SLC39A14: variants seen among roughly 807,000 people sequenced by gnomAD.
The protein encoded by SLC39A14 is solute carrier family 39 member 14.
In SLC39A14, 19 loss-of-function variants were observed where a neutral mutation model predicts 45.5. That is an observed-to-expected ratio of 0.42 (90% CI 0.29 to 0.61). The LOEUF (loss-of-function observed/expected upper bound fraction) is 0.61. Ranked by LOEUF, SLC39A14 falls within the 20% of genes least tolerant of loss-of-function variation. The pLI is 0.22. For synonymous variants in SLC39A14, 264 were observed against 251.3 expected (o/e 1.05, Z -0.48); for missense variants, 447 against 616.5 (o/e 0.73, Z 2.91).
chr8:22,388,807 G>A (rs1440760196), intron 1 of SLC39A14, among the ~76,000 whole-genome samples: 3 of 152,192 alleles, frequency 2.0e-5, no homozygotes, highest in Admixed American at 2.0e-4. Context: ...GACAGCCCGA[G>A]GGAGAATGGA....
In SLC39A14 at chr8:22,415,903, C is replaced by A; in HGVS notation, c.885C>A (p.Asp295Glu). The stretch of plus-strand genomic sequence containing the variant: ...CTCAGCACTGCAGCAGTGAGCTGGA[C>A]GGCAAGGCGCCCATGGTGGACGAGA... ...MIPQHCSSELDGKAPMVDEKV... is the reference protein window; with the variant it reads ...MIPQHCSSELEGKAPMVDEKV... Residue 295 changes from aspartate (D) to glutamate (E), a missense_variant, in exon 6 of 9, where the codon GAC becomes GAA. Asp to Glu is a conservative substitution (Grantham distance 45). Around this residue, in one of 2 missense-constraint regions of SLC39A14, gnomAD observed 342 missense variants for 428.1 expected, o/e 0.80. Coordinates refer to ENST00000381237, the MANE Select transcript of SLC39A14 (RefSeq NM_001128431.4). 4 of 1,610,710 alleles carry A rather than the reference C, an allele frequency of 2.5e-6. No individual in the cohort carries two copies. Among genetic ancestry groups the A allele is most frequent in the Non-Finnish European group, 3.4e-6 (4 of 1,178,500 alleles).
At chr8:22,404,333 A>G (rs1205239542) in intron 1 of SLC39A14, among the ~76,000 whole-genome samples, 2 of 151,660 alleles carry the variant, frequency 1.3e-5, no homozygotes, top group South Asian at 4.2e-4. Flanking sequence ...GGCCTGAGGC[A>G]GGAGAATCAC....
At position 22,420,157 on chromosome 8, in the gene SLC39A14, A is replaced by G; in HGVS notation, c.*459A>G. ...GGCACCTTGGACCTCCAGCTGGCCAATAGAAGAGACAGGAGACAGGAAGCC... is the reference window on the plus strand; with the variant it reads ...GGCACCTTGGACCTCCAGCTGGCCAGTAGAAGAGACAGGAGACAGGAAGCC... On this transcript the variant is annotated 3_prime_UTR_variant, in exon 9 of 9. Coordinates refer to ENST00000381237, the MANE Select transcript of SLC39A14 (RefSeq NM_001128431.4). 1 of 986,468 alleles carries G rather than the reference A, an allele frequency of 1.0e-6. No individual in the cohort carries two copies. Among genetic ancestry groups the G allele is most frequent in the Non-Finnish European group, 1.2e-6 (1 of 830,742 alleles). 61.1% of individuals were successfully genotyped at this position (986,468 alleles called of 1,614,324 possible).
chr8:22,391,295 C>T (rs1834058711), intron 1 of SLC39A14, among the ~76,000 whole-genome samples: 1 of 152,156 alleles, frequency 6.6e-6, no homozygotes, highest in Non-Finnish European at 1.5e-5. Flanking sequence ...TCCTTTGCAT[C>T]CCCAATACCT....
At chr8:22,372,261 A>G (rs895795263) in intron 1 of SLC39A14, among the ~76,000 whole-genome samples, 3 of 152,136 alleles carry the variant, frequency 2.0e-5, no homozygotes, top group Non-Finnish European at 2.9e-5. Flanking sequence ...CATAGTTGAA[A>G]AATCAAGACG....
intron 1 of SLC39A14, among the ~76,000 whole-genome samples, chr8:22,403,343 G>C (rs1003461670): frequency 6.6e-6 from 1 of 151,092 alleles, no homozygotes; most frequent in Non-Finnish European, 1.5e-5. Context: ...GCAATGGCGC[G>C]ATCTTGGCTC....
At chr8:22,426,501 T>C (rs1836390315), downstream of SLC39A14, among the ~76,000 whole-genome samples, 1 of 152,182 alleles carries the variant, frequency 6.6e-6, no homozygotes, top group Admixed American at 6.5e-5. Context: ...ACTCTCTAGA[T>C]GTTTTTCTAC....
rs577425931 is a variant in SLC39A14, at chr8:22,399,511, G to A, written c.-15-5185G>A. Among the ~76,000 whole-genome samples the A allele has an allele frequency of 3.9e-5, 6 of 152,314 alleles. No individual in the cohort carries two copies. In the East Asian group the frequency reaches 9.7e-4, roughly 25 times the overall value. The stretch of plus-strand genomic sequence containing the variant: ...CTGGCCAGGCAGGGGGGCTGTGCTC[G>A]CTGAATCTGCACACCCCATGGAGAC... On this transcript the variant is annotated intron_variant, in intron 1 of 8. Coordinates refer to ENST00000381237, the MANE Select transcript of SLC39A14 (RefSeq NM_001128431.4).
chr8:22,397,247 C>A lies in SLC39A14; in HGVS notation c.-15-7449C>A, dbSNP rs191198604. Among the ~76,000 whole-genome samples, 28 of 152,296 alleles carry A rather than the reference C, an allele frequency of 1.8e-4. 1 individual carries two copies. The East Asian group carries it at 4.4e-3, about 24-fold the overall frequency. On this transcript the variant is annotated intron_variant, in intron 1 of 8. Transcript: ENST00000381237. ...TTCCCAGGCCACTAGCACCCGCAGT[C>A]CTCAAGAGAAGTAGCCCTTGATTTT...
intron 3 of SLC39A14, among the ~76,000 whole-genome samples, chr8:22,411,602 C>T (rs1320547069): frequency 1.3e-5 from 2 of 152,152 alleles, no homozygotes; most frequent in African/African-American, 4.8e-5. Flanking sequence ...GCTTGCATGT[C>T]CTATAAAGAG....
rs964205301 is a variant in SLC39A14 at position 22,421,639 on chromosome 8, A to C, written c.*1941A>C. On this transcript the variant is annotated 3_prime_UTR_variant, in exon 9 of 9. Transcript: ENST00000381237. ...TCTCAAGCTGCTTTCAGGAGCTAGC[A>C]GAAAATAACTCAAAGTTGAAGACTC... The C allele has an allele frequency of 6.1e-6, 6 of 985,740 alleles. No homozygotes were observed. The African/African-American group carries it at 1.0e-4, about 17-fold the overall frequency. The allele number at this position is 985,740 out of a possible 1,614,324, so 61.1% of individuals were successfully genotyped here.
chr8:22,428,052 G>A (rs1011240420), intron 8 of SLC39A14, among the ~76,000 whole-genome samples: 3 of 152,016 alleles, frequency 2.0e-5, no homozygotes, highest in African/African-American at 7.2e-5. Context: ...TAATCCTAAC[G>A]CTCTGGGAGG....
intron 5 of SLC39A14, 22 bp from the exon 6 acceptor site, chr8:22,415,747 T>C: frequency 6.2e-7 from 1 of 1,602,514 alleles, no homozygotes; most frequent in Non-Finnish European, 8.5e-7. Context: ...GTCATGCTGA[T>C]CCCTCCCTGT....
At chr8:22,388,137 C>A (rs1199784435) in intron 1 of SLC39A14, among the ~76,000 whole-genome samples, 1 of 152,218 alleles carries the variant, frequency 6.6e-6, no homozygotes, top group Admixed American at 6.5e-5. Flanking sequence ...AATATAAGCC[C>A]TGTCCTTCTA....
rs1400369558 is a variant in SLC39A14 at position 22,367,465 on chromosome 8, C to T, written c.-16+57C>T. On this transcript the variant is annotated intron_variant, in intron 1 of 8. Coordinates refer to ENST00000381237, the MANE Select transcript of SLC39A14 (RefSeq NM_001128431.4). This position sits in a 1 kb window ranked among gnomAD's most constrained non-coding sequence, Gnocchi z 4.2. Reference sequence around the variant, plus strand: ...GGGCAGCGGCGGAGGAGCCCCGCACCCCAGGCTGGGGCAGTGGGTGGGGGC... The same window carrying T: ...GGGCAGCGGCGGAGGAGCCCCGCACTCCAGGCTGGGGCAGTGGGTGGGGGC... The T allele has an allele frequency of 1.3e-5, 2 of 152,268 alleles. No homozygotes were observed. The highest frequency in any genetic ancestry group is 1.9e-4 in the East Asian group (1 of 5,166). 9.4% of individuals were successfully genotyped at this position (152,268 alleles called of 1,614,324 possible).
intron 1 of SLC39A14, among the ~76,000 whole-genome samples, chr8:22,402,647 T>C (rs909077540): frequency 2.0e-5 from 3 of 150,854 alleles, no homozygotes; most frequent in African/African-American, 7.3e-5. Flanking sequence ...CCAGCGCCTA[T>C]AATCCCAGCT....
chr8:22,431,740 G>A (rs1011680540), intron 8 of SLC39A14, among the ~76,000 whole-genome samples: 10 of 152,256 alleles, frequency 6.6e-5, no homozygotes, highest in African/African-American at 2.4e-4. Flanking sequence ...AAAAAGTGGG[G>A]GGATACAAAA....
At position 22,432,040 on chromosome 8, in the gene SLC39A14, A is replaced by G. The variant is rs185493349; in HGVS notation, c.1333-1851A>G. ...ACTCTATTGGAACTAGGCCACTAAAAGAAAAGAGCAGCCGGCACGGTGCCT... is the reference window on the plus strand; with the variant it reads ...ACTCTATTGGAACTAGGCCACTAAAGGAAAAGAGCAGCCGGCACGGTGCCT... On this transcript the variant is annotated intron_variant, in intron 8 of 8. Transcript: ENST00000240095. Among the ~76,000 whole-genome samples, 30 of 152,354 alleles carry G rather than the reference A, an allele frequency of 2.0e-4. No homozygotes were observed. The East Asian group carries it at 5.6e-3, about 28-fold the overall frequency.
chr8:22,377,214 G>C (rs1319814475), intron 1 of SLC39A14, among the ~76,000 whole-genome samples: 5 of 151,802 alleles, frequency 3.3e-5, no homozygotes, highest in Non-Finnish European at 1.5e-5. Flanking sequence ...AATTGTTCTA[G>C]CTTTGACCAT....
Sources: gnomAD v4.1 joint callset for allele counts (sites outside exome capture counted in the v4.1 genomes callset) on GRCh38, gnomAD v4.1.1 for gene constraint, gnomAD v4.1.1 regional missense constraint, Gnocchi (gnomAD v3.1) non-coding constraint, MANE v1.5 for transcripts, NCBI Gene and HGNC (gene_info 2026-07-23, HGNC 2026-07-21) for gene names.